The following SHQ1 variants were observed in gnomAD, a reference collection of about 807,000 sequenced individuals.
SHQ1 encodes the protein protein SHQ1 homolog.
A neutral mutation model predicts 53.8 loss-of-function variants in SHQ1; 49 were observed. The ratio of observed to expected loss-of-function variants is 0.91; its 90% confidence interval spans 0.72 to 1.16. SHQ1 has a LOEUF of 1.16. Ranked by LOEUF, SHQ1 falls within the 50% of genes most tolerant of loss-of-function variation. The pLI is 0.00. For missense variants in SHQ1, 738 were observed against 683.1 expected (o/e 1.08, Z -0.90); for synonymous variants, 243 against 251.0 (o/e 0.97, Z 0.30).
At position 72,842,290 on chromosome 3, in the gene SHQ1, C is replaced by A; in HGVS notation, c.321G>T (p.Val107=). ...PRKSRTAKPL[V]EEIGASEIPE... ...CTGTAATAAACATACCTATTTCTTC[C>A]ACAAGTGGTTTTGCTGTCCTGGATT... is the stretch of plus-strand genomic sequence containing the variant. The change falls in exon 3 of 11, where the codon GTG becomes GTT. Residue 107 remains valine (V), a synonymous_variant. Transcript: ENST00000325599. 6.2e-7 allele frequency: 1 copy of A among 1,613,286 alleles called. No homozygotes were observed. Among genetic ancestry groups the A allele is most frequent in the Non-Finnish European group, 8.5e-7 (1 of 1,179,526 alleles).
chr3:72,729,941 C>A, the SHQ1 span, among the ~76,000 whole-genome samples: 1 of 152,240 alleles, frequency 6.6e-6, no homozygotes, highest in African/African-American at 2.4e-5. Context: ...GCCTCGGCCT[C>A]CCGAGTAGCT....
chr3:72,794,871 C>G (rs1706555568), intron 9 of SHQ1: 1 of 152,170 alleles, frequency 6.6e-6, no homozygotes, highest in Admixed American at 6.5e-5. Flanking sequence ...AAAGGAAACT[C>G]AAAATGGGGA....
chr3:72,746,701 C>T (rs558047197), downstream of SHQ1, among the ~76,000 whole-genome samples: 1 of 152,224 alleles, frequency 6.6e-6, no homozygotes, highest in South Asian at 2.1e-4. Context: ...GGTTTTTCTA[C>T]CCAAGACAAG....
chr3:72,840,137 A>G (rs574724141), intron 4 of SHQ1, among the ~76,000 whole-genome samples: 104 of 148,896 alleles, frequency 7.0e-4, no homozygotes, highest in African/African-American at 2.5e-3. Flanking sequence ...CTGTAATCCC[A>G]GCTACTTGGG....
the SHQ1 span, among the ~76,000 whole-genome samples, chr3:72,734,914 G>T: frequency 6.6e-6 from 1 of 151,482 alleles, no homozygotes; most frequent in Non-Finnish European, 1.5e-5. Context: ...CAACATTTGT[G>T]CCGGCCATGA....
At chr3:72,743,499 A>G in the SHQ1 span, among the ~76,000 whole-genome samples, 35,450 of 152,180 alleles carry the variant, frequency 0.23, 4,322 homozygotes, top group Non-Finnish European at 0.25. Context: ...AGGAGGAAGA[A>G]GAAAGACACA....
chr3:72,804,423 C>T (rs1279413261), intron 9 of SHQ1, among the ~76,000 whole-genome samples: 1 of 152,006 alleles, frequency 6.6e-6, no homozygotes, highest in Non-Finnish European at 1.5e-5. Flanking sequence ...GGCACCACCC[C>T]CCCACCCCGC....
At chr3:72,825,940 A>G (rs776815700) in intron 5 of SHQ1, among the ~76,000 whole-genome samples, 1 of 152,186 alleles carries the variant, frequency 6.6e-6, no homozygotes, top group Non-Finnish European at 1.5e-5. Context: ...CTTTGCATCC[A>G]TTATTTCCTT....
rs1462181975 is a variant in SHQ1, at chr3:72,812,692, T to A, written c.1039A>T (p.Thr347Ser). 10 of 1,613,976 alleles carry A rather than the reference T, an allele frequency of 6.2e-6. No homozygotes were observed. Among genetic ancestry groups the A allele is most frequent in the African/African-American group, 5.3e-5 (4 of 74,936 alleles). The change falls in exon 9 of 11, where the codon ACT becomes TCT. Residue 347 changes from threonine to serine, a missense_variant. Physicochemically the swap from Thr to Ser is moderately conservative, Grantham distance 58. Transcript: ENST00000325599. ...FKLVMKAYRD[T>S]IKILQLGKSA... ...TTACCCAGTTGCAATATCTTTATAG[T>A]GTCCCTGTAGGCCTTCATCACCAGC...
chr3:72,737,326 T>A, the SHQ1 span, among the ~76,000 whole-genome samples: 2 of 151,030 alleles, frequency 1.3e-5, no homozygotes, highest in South Asian at 2.1e-4. Flanking sequence ...TACTGTAGGG[T>A]TAAAACCACA....
intron 9 of SHQ1, among the ~76,000 whole-genome samples, chr3:72,799,174 A>C (rs1011454283): frequency 6.6e-6 from 1 of 152,072 alleles, no homozygotes; most frequent in Admixed American, 6.6e-5. Context: ...AATAATAATA[A>C]TTTTAAAACA....
rs190525319 is a variant in SHQ1 at position 72,828,050 on chromosome 3, C to T, written c.600-3499G>A. The stretch of plus-strand genomic sequence containing the variant: ...ATTACAGGCGTGAGCCACCATGCCC[C>T]GCCTTTTTCAAGACTTTCAAGGTCA... On this transcript the variant is annotated intron_variant, in intron 5 of 10. Transcript: ENST00000325599. 1.9e-3 allele frequency among the ~76,000 whole-genome samples: 293 copies of T among 152,020 alleles called. 2 individuals carry two copies. The highest frequency in any genetic ancestry group is 6.6e-3 in the African/African-American group (275 of 41,496).
Position 72,841,206 on chromosome 3 carries a change from G to A in SHQ1, c.332-7C>T. 6.3e-7 allele frequency: 1 copy of A among 1,597,168 alleles called. No individual in the cohort carries two copies. Among genetic ancestry groups the A allele is most frequent in the Non-Finnish European group, 8.5e-7 (1 of 1,174,948 alleles). On this transcript the variant is annotated splice_region_variant and splice_polypyrimidine_tract_variant and intron_variant, in intron 3 of 10. Coordinates refer to ENST00000325599, the MANE Select transcript of SHQ1 (RefSeq NM_018130.3). Reference sequence around the variant, plus strand: ...TCAGGAATCTCAGAAGCACCTGAATGTGTTAAATTTTAATTTTTTTTAAGT... The same window carrying A: ...TCAGGAATCTCAGAAGCACCTGAATATGTTAAATTTTAATTTTTTTTAAGT...
intron 9 of SHQ1, chr3:72,809,558 G>A (rs1446917229): frequency 6.6e-6 from 1 of 152,024 alleles, no homozygotes; most frequent in African/African-American, 2.4e-5. Context: ...GTAAAGTAAG[G>A]AATACCTTCT....
rs866233178 is a variant in SHQ1 at position 72,839,657 on chromosome 3, C to A, written c.486+1388G>T. Among the ~76,000 whole-genome samples, 32 of 152,310 alleles carry A rather than the reference C, an allele frequency of 2.1e-4. No individual in the cohort carries two copies. The Middle Eastern group carries it at 0.014, about 65-fold the overall frequency. ...AAATAACTGGCCTGGTATCCCAAATCTTAACAGAGGTAGGAGCGGGACCAG... is the reference window on the plus strand; with the variant it reads ...AAATAACTGGCCTGGTATCCCAAATATTAACAGAGGTAGGAGCGGGACCAG... On this transcript the variant is annotated intron_variant, in intron 4 of 10. Coordinates refer to ENST00000325599, the MANE Select transcript of SHQ1 (RefSeq NM_018130.3).
chr3:72,738,801 T>C, the SHQ1 span, among the ~76,000 whole-genome samples: 1 of 152,260 alleles, frequency 6.6e-6, no homozygotes. Context: ...TCAGCAAGCT[T>C]GGCGTCTGCC....
intron 10 of SHQ1, among the ~76,000 whole-genome samples, chr3:72,788,597 G>A (rs927752665): frequency 6.6e-6 from 1 of 152,244 alleles, no homozygotes; most frequent in Non-Finnish European, 1.5e-5. Context: ...AGCTCATTGA[G>A]AACAGGCCAT....
chr3:72,784,527 G>T (rs572076626), intron 10 of SHQ1, among the ~76,000 whole-genome samples: 10 of 152,318 alleles, frequency 6.6e-5, no homozygotes, highest in African/African-American at 2.4e-4. Flanking sequence ...CATCCAGGAT[G>T]AATTTGTGGA....
chr3:72,815,785 G>A (rs1429891541), intron 7 of SHQ1, among the ~76,000 whole-genome samples: 16 of 152,096 alleles, frequency 1.1e-4, no homozygotes, highest in Admixed American at 1.0e-3. Context: ...AGATAATGTT[G>A]AAGTATTACC....
Sources: gnomAD v4.1 joint callset for allele counts (sites outside exome capture counted in the v4.1 genomes callset) on GRCh38, gnomAD v4.1.1 for gene constraint, MANE v1.5 for transcripts, NCBI Gene and HGNC (gene_info 2026-07-23, HGNC 2026-07-21) for gene names.